AK2: variants seen among roughly 807,000 people sequenced by gnomAD.
The protein encoded by AK2 is adenylate kinase 2, mitochondrial.
In AK2, 15 loss-of-function variants were observed where a neutral mutation model predicts 24.6. That is an observed-to-expected ratio of 0.61 (90% CI 0.41 to 0.94). The LOEUF (loss-of-function observed/expected upper bound fraction) is 0.94. Among genes scored for constraint, AK2 ranks in the 40% least tolerant of loss-of-function variants. The pLI, the probability that AK2 is intolerant of heterozygous loss-of-function variation, is 0.00. For missense variants in AK2, 257 were observed against 304.1 expected, an observed-to-expected ratio of 0.85 and a Z score of 1.15; for synonymous variants, 102 against 114.0, an observed-to-expected ratio of 0.90 and a Z score of 0.67.
At chr1:33,024,187 AT>A (rs1639727283) in intron 2 of AK2, 1 of 484,452 alleles carries the variant, frequency 2.1e-6, no homozygotes, top group Admixed American at 3.4e-5. Flanking sequence ...AAGAAAAAAA[AT>A]TTCCTATAAT....
chr1:33,031,979 A>G lies in AK2; in HGVS notation c.93+4757T>C, dbSNP rs181981421. 2.7e-5 allele frequency: 6 copies of G among 224,844 alleles called. No homozygotes were observed. The East Asian group carries it at 5.6e-4, about 21-fold the overall frequency. The allele number at this position is 224,844 out of a possible 1,614,324, so 13.9% of individuals were successfully genotyped here. On this transcript the variant is annotated intron_variant, in intron 1 of 5. Transcript: ENST00000672715. ...TGATGCAAAAGCGAGTAGTTTTGAA[A>G]TATTTAACTACTTTAGTTAAAAGTG...
At position 33,011,966 on chromosome 1, in the gene AK2, G is replaced by A. The variant is rs779977865; in HGVS notation, c.*1215C>T. On this transcript the variant is annotated 3_prime_UTR_variant, in exon 6 of 6. Transcript: ENST00000672715. ...CAGTTTTATGTCCTGGAGAGAGACT[G>A]GGTTTGAATAAATACTGATCAAAAT... The A allele has an allele frequency of 5.2e-6, 8 of 1,534,466 alleles. No individual in the cohort carries two copies. In the South Asian group the frequency reaches 6.0e-5, roughly 11 times the overall value.
At chr1:33,014,691 G>A (rs1639069544) in intron 4 of AK2, 97 bp from the exon 5 acceptor site, 5 of 1,072,564 alleles carry the variant, frequency 4.7e-6, no homozygotes, top group South Asian at 2.5e-5. Context: ...AGATAGGGAC[G>A]CTGGATGCAA....
In AK2 at chr1:33,011,570, A is replaced by G. The variant is rs1233344971; in HGVS notation, c.*1611T>C. ...GAGAGCTCAGGTCAGGAGGCTGGGC[A>G]CTTTAGAGTCCACTGAATCGAGTCA... is the stretch of plus-strand genomic sequence containing the variant. On this transcript the variant is annotated 3_prime_UTR_variant, in exon 6 of 6. Transcript: ENST00000672715. The G allele has an allele frequency of 7.8e-7, 1 of 1,287,646 alleles. No individual in the cohort carries two copies. The highest frequency in any genetic ancestry group is 1.0e-6 in the Non-Finnish European group (1 of 989,096). The allele number at this position is 1,287,646 out of a possible 1,614,324, so 79.8% of individuals were successfully genotyped here. A position where few individuals can be genotyped will look rare whatever the true frequency, so the allele number is the denominator to read the frequency against.
At position 33,032,478 on chromosome 1, in the gene AK2, T is replaced by C. The variant is rs571602758; in HGVS notation, c.93+4258A>G. On this transcript the variant is annotated intron_variant, in intron 1 of 5. Transcript: ENST00000672715. Reference sequence around the variant, plus strand: ...TCAAGCATTTATCCTGACTTTTCTATACCAACCATATCACGGGGTAACGAA... The same window carrying C: ...TCAAGCATTTATCCTGACTTTTCTACACCAACCATATCACGGGGTAACGAA... 5.3e-5 allele frequency: 8 copies of C among 152,364 alleles called. No homozygotes were observed. The East Asian group carries it at 9.6e-4, about 18-fold the overall frequency. The allele number at this position is 152,364 out of a possible 1,614,324, so 9.4% of individuals were successfully genotyped here.
chr1:33,036,601 C>T lies in AK2; in HGVS notation c.93+135G>A. On this transcript the variant is annotated intron_variant, in intron 1 of 5. Coordinates refer to ENST00000672715, the MANE Select transcript of AK2 (RefSeq NM_001625.4). ...CCTCTCCGAAATGCCCCACCAGAAC[C>T]GAGACCCCGGCCAGCGTTCCCCGCA... 9 of 826,824 alleles carry T rather than the reference C, an allele frequency of 1.1e-5. No homozygotes were observed. The South Asian group carries it at 1.2e-4, about 11-fold the overall frequency. The allele number at this position is 826,824 out of a possible 1,614,324, so 51.2% of individuals were successfully genotyped here. A position where few individuals can be genotyped will look rare whatever the true frequency, so the allele number is the denominator to read the frequency against.
At chr1:33,014,768 A>G (rs1357820146) in intron 4 of AK2, among the ~76,000 whole-genome samples, 174 bp from the exon 5 acceptor site, 2 of 152,234 alleles carry the variant, frequency 1.3e-5, no homozygotes, top group East Asian at 1.9e-4. Flanking sequence ...TGCCAGCGGC[A>G]GAGTATATTT....
chr1:33,011,209 A>G lies in AK2; in HGVS notation c.*1972T>C. The G allele has an allele frequency of 1.5e-6, 2 of 1,312,674 alleles. No homozygotes were observed. The highest frequency in any genetic ancestry group is 2.0e-6 in the Non-Finnish European group (2 of 1,008,860). The allele number at this position is 1,312,674 out of a possible 1,614,324, so 81.3% of individuals were successfully genotyped here. On this transcript the variant is annotated 3_prime_UTR_variant, in exon 6 of 6. Transcript: ENST00000672715. ...TCAACTTTGAGGCCAAGTGCTTACAATTGTCCCTAGTTAAAGGGGAGCTGA... is the reference window on the plus strand; with the variant it reads ...TCAACTTTGAGGCCAAGTGCTTACAGTTGTCCCTAGTTAAAGGGGAGCTGA...
At chr1:33,022,755 G>T (rs1557623803) in intron 2 of AK2, among the ~76,000 whole-genome samples, 1 of 152,260 alleles carries the variant, frequency 6.6e-6, no homozygotes, top group East Asian at 1.9e-4. Flanking sequence ...AGAAAGAAAA[G>T]TCTCCAGCCT....
chr1:33,027,765 GAAAAAGAA>G (rs1308909801), intron 1 of AK2, among the ~76,000 whole-genome samples: 2 of 148,238 alleles, frequency 1.3e-5, no homozygotes, highest in African/African-American at 5.0e-5. Context: ...AAAAAAAAAA[GAAAAAGAA>G]AAAAAGAAAA....
At chr1:33,027,081 C>T (rs1170005901) in intron 1 of AK2, among the ~76,000 whole-genome samples, 1 of 152,114 alleles carries the variant, frequency 6.6e-6, no homozygotes, top group African/African-American at 2.4e-5. Flanking sequence ...AGCCGAGATC[C>T]AGCCCGGGCG....
At chr1:33,036,612 C>G (rs1569771291) in intron 1 of AK2, 124 bp downstream of exon 1, 1 of 895,248 alleles carries the variant, frequency 1.1e-6, no homozygotes, top group East Asian at 2.7e-5. Context: ...GAGACCCCGG[C>G]CAGCGTTCCC....
chr1:33,020,268 TAAA>T, intron 4 of AK2: 1 of 900,928 alleles, frequency 1.1e-6, no homozygotes, highest in African/African-American at 1.7e-5. Context: ...CTCCATTTTC[TAAA>T]CTTTGTACAG....
At chr1:33,034,688 T>C (rs892121452) in intron 1 of AK2, among the ~76,000 whole-genome samples, 12 of 152,182 alleles carry the variant, frequency 7.9e-5, no homozygotes, top group African/African-American at 2.9e-4. Flanking sequence ...AAAACCCTTG[T>C]CCCAGTACTA....
At chr1:33,025,236 C>T (rs1411879500) in intron 1 of AK2, among the ~76,000 whole-genome samples, 1 of 149,812 alleles carries the variant, frequency 6.7e-6, no homozygotes. Flanking sequence ...ACCAACACTT[C>T]ACATGGTTGC....
intron 1 of AK2, among the ~76,000 whole-genome samples, chr1:33,026,352 C>T (rs991555784): frequency 3.9e-5 from 6 of 152,192 alleles, no homozygotes; most frequent in South Asian, 2.1e-4. Context: ...GCACAAGCCA[C>T]GTGCCTGGCT....
At position 33,013,135 on chromosome 1, in the gene AK2, C is replaced by G. The variant is rs1408301864; in HGVS notation, c.*46G>C. Reference sequence around the variant, plus strand: ...TCTTTGCCTGTCCTATCATTCCCACCCATTGCCTCACAGGGATGGAAAGAA... The same window carrying G: ...TCTTTGCCTGTCCTATCATTCCCACGCATTGCCTCACAGGGATGGAAAGAA... On this transcript the variant is annotated 3_prime_UTR_variant, in exon 6 of 6. Transcript: ENST00000672715. 4 of 1,613,840 alleles carry G rather than the reference C, an allele frequency of 2.5e-6. No individual in the cohort carries two copies. Among genetic ancestry groups the G allele is most frequent in the Non-Finnish European group, 3.4e-6 (4 of 1,180,046 alleles).
At position 33,009,351 on chromosome 1, in the gene AK2, G is replaced by A; in HGVS notation, c.*3830C>T. 4.4e-6 allele frequency: 2 copies of A among 454,116 alleles called. No individual in the cohort carries two copies. Among genetic ancestry groups the A allele is most frequent in the Non-Finnish European group, 8.8e-6 (2 of 226,790 alleles). 28.1% of individuals were successfully genotyped at this position (454,116 alleles called of 1,614,324 possible). On this transcript the variant is annotated 3_prime_UTR_variant, in exon 6 of 6. Coordinates refer to ENST00000672715, the MANE Select transcript of AK2 (RefSeq NM_001625.4). The stretch of plus-strand genomic sequence containing the variant: ...AATTTAAACTAGGACACACAGAGAA[G>A]CAACAAAGAGTGTTAAAGAAGCAAC...
chr1:33,021,947 C>A, intron 2 of AK2, among the ~76,000 whole-genome samples: 1 of 151,830 alleles, frequency 6.6e-6, no homozygotes, highest in South Asian at 2.1e-4. Context: ...CTCCTGTATC[C>A]CAAAAATCTG....
Sources: allele counts gnomAD v4.1 joint callset (sites outside exome capture counted in the v4.1 genomes callset), GRCh38; gene constraint gnomAD v4.1.1; transcripts MANE v1.5; gene names NCBI Gene and HGNC (gene_info 2026-07-23, HGNC 2026-07-21).